SYNDIG1: variants seen among roughly 807,000 people sequenced by gnomAD.
SYNDIG1 encodes synapse differentiation inducing 1.
SYNDIG1 carries 9 observed loss-of-function variants against 19.4 expected under a neutral mutation model. The ratio of observed to expected loss-of-function variants is 0.46; its 90% CI spans 0.28 to 0.81. The LOEUF (loss-of-function observed/expected upper bound fraction) is 0.81, where lower values mean the gene tolerates loss of function less well. Among genes scored for constraint, SYNDIG1 ranks in the 30% least tolerant of loss-of-function variants. The probability of loss-of-function intolerance (pLI) is 0.12; values close to 1 mark genes in which losing one functional copy is unlikely to be tolerated. For synonymous variants in SYNDIG1, 141 were observed against 145.9 expected (o/e 0.97, Z 0.24); for missense variants, 311 against 343.3 (o/e 0.91, Z 0.74).
chr20:24,510,801 A>G (rs185428545), intron 1 of SYNDIG1, among the ~76,000 whole-genome samples: 33 of 152,194 alleles, frequency 2.2e-4, no homozygotes, highest in East Asian at 7.7e-4. Context: ...TTCCCAATCT[A>G]TTCATCTGGA....
At chr20:24,501,976 G>A (rs928825269) in intron 1 of SYNDIG1, among the ~76,000 whole-genome samples, 10 of 152,240 alleles carry the variant, frequency 6.6e-5, no homozygotes, top group Admixed American at 3.3e-4. Context: ...GCTAAGGGCC[G>A]AGAACGAATG....
chr20:24,551,024 A>T (rs2146794266), intron 2 of SYNDIG1, among the ~76,000 whole-genome samples: 1 of 152,330 alleles, frequency 6.6e-6, no homozygotes, highest in South Asian at 2.1e-4. Context: ...TTGGCTGCAT[A>T]GAATAAGTTG....
chr20:24,535,554 A>G lies in SYNDIG1; in HGVS notation c.-78-7466A>G, dbSNP rs546768040. 7.2e-5 allele frequency among the ~76,000 whole-genome samples: 11 copies of G among 152,346 alleles called. No individual in the cohort carries two copies. In the South Asian group the frequency reaches 1.9e-3, roughly 26 times the overall value. ...GTTTATCTGGGCATAAAGCTTTGCAATGGGAACACACATGCCATAGTAAAC... is the reference window on the plus strand; with the variant it reads ...GTTTATCTGGGCATAAAGCTTTGCAGTGGGAACACACATGCCATAGTAAAC... On this transcript the variant is annotated intron_variant, in intron 1 of 3. Transcript: ENST00000376862.
chr20:24,599,152 C>A (rs115364733), intron 3 of SYNDIG1, among the ~76,000 whole-genome samples: 4,694 of 152,192 alleles, frequency 0.031, 158 homozygotes, highest in African/African-American at 0.084. Flanking sequence ...AAAACCTACA[C>A]ATAATCCCAT....
chr20:24,532,548 C>T (rs1479899692), intron 1 of SYNDIG1, among the ~76,000 whole-genome samples: 3 of 152,082 alleles, frequency 2.0e-5, no homozygotes, highest in Admixed American at 6.5e-5. Flanking sequence ...GGTGAATATA[C>T]TAAATCTCAC....
chr20:24,615,352 G>A (rs1211851571), intron 3 of SYNDIG1, among the ~76,000 whole-genome samples: 1 of 152,178 alleles, frequency 6.6e-6, no homozygotes, highest in East Asian at 1.9e-4. Context: ...AGGGGGTGAT[G>A]AGCGAGACCT....
At chr20:24,647,451 C>A (rs1398331696) in intron 3 of SYNDIG1, among the ~76,000 whole-genome samples, 1 of 152,040 alleles carries the variant, frequency 6.6e-6, no homozygotes, top group East Asian at 1.9e-4. Context: ...TGGTATTATA[C>A]GAACATCCTC....
chr20:24,665,922 CTG>C lies in SYNDIG1; in HGVS notation c.*421_*422del, dbSNP rs2059643442. On this transcript the variant is annotated 3_prime_UTR_variant, in exon 4 of 4. Transcript: ENST00000376862. ...GACAAGGGACACATCACTCTTCTGT[CTG>C]TGGCCCTGCTGGAGTCCTTTGTGCC... The C allele has an allele frequency of 5.5e-6, 1 of 180,606 alleles. No homozygotes were observed. The highest frequency in any genetic ancestry group is 2.4e-5 in the African/African-American group (1 of 41,726). The allele number at this position is 180,606 out of a possible 1,614,324, so 11.2% of individuals were successfully genotyped here.
At chr20:24,492,858 G>T (rs112094898) in intron 1 of SYNDIG1, among the ~76,000 whole-genome samples, 2,192 of 152,310 alleles carry the variant, frequency 0.014, 63 homozygotes, top group African/African-American at 0.05. Flanking sequence ...CTAAGCAAAA[G>T]AACTGACACA....
intron 3 of SYNDIG1, among the ~76,000 whole-genome samples, chr20:24,641,084 A>T (rs1372039961): frequency 6.6e-6 from 1 of 152,250 alleles, no homozygotes; most frequent in Non-Finnish European, 1.5e-5. Context: ...TATTGATGAC[A>T]GTAGTTTCTA....
chr20:24,611,410 G>C (rs1373189870), intron 3 of SYNDIG1, among the ~76,000 whole-genome samples: 1 of 152,180 alleles, frequency 6.6e-6, no homozygotes, highest in Non-Finnish European at 1.5e-5. Flanking sequence ...GACTTCAGCG[G>C]TTCCTGATTC....
intron 1 of SYNDIG1, among the ~76,000 whole-genome samples, chr20:24,473,391 C>G (rs574599609): frequency 2.0e-5 from 3 of 152,168 alleles, no homozygotes; most frequent in African/African-American, 7.2e-5. Flanking sequence ...TCTCTAACCA[C>G]GTCACCAGAA....
intron 1 of SYNDIG1, among the ~76,000 whole-genome samples, chr20:24,483,467 T>C (rs925682229): frequency 3.9e-5 from 6 of 152,232 alleles, no homozygotes; most frequent in African/African-American, 1.4e-4. Flanking sequence ...CTTAATCATA[T>C]TTTATGTTCC....
At chr20:24,659,632 C>T (rs1415673244) in intron 3 of SYNDIG1, among the ~76,000 whole-genome samples, 2 of 152,176 alleles carry the variant, frequency 1.3e-5, no homozygotes, top group African/African-American at 4.8e-5. Context: ...GGTGATGAAA[C>T]GGCCACTGCA....
intron 3 of SYNDIG1, among the ~76,000 whole-genome samples, chr20:24,600,327 T>C (rs550452613): frequency 3.5e-4 from 54 of 152,192 alleles, no homozygotes; most frequent in Non-Finnish European, 6.5e-4. Context: ...CCTTTCCTAG[T>C]TTGAAAATAA....
chr20:24,597,964 T>C (rs774345983), intron 3 of SYNDIG1, among the ~76,000 whole-genome samples: 7 of 152,168 alleles, frequency 4.6e-5, no homozygotes, highest in Non-Finnish European at 1.0e-4. Context: ...AATGACAATT[T>C]GGGTTATATA....
chr20:24,604,224 T>C (rs1385312209), intron 3 of SYNDIG1, among the ~76,000 whole-genome samples: 1 of 152,048 alleles, frequency 6.6e-6, no homozygotes, highest in African/African-American at 2.4e-5. Flanking sequence ...CATCCATAAG[T>C]GTGGGTGTCA....
chr20:24,542,755 A>T (rs1006314427), intron 1 of SYNDIG1, among the ~76,000 whole-genome samples: 8 of 152,332 alleles, frequency 5.3e-5, no homozygotes, highest in African/African-American at 1.9e-4. Context: ...CTAGGCTGCA[A>T]GGGAGCCAAT....
intron 1 of SYNDIG1, among the ~76,000 whole-genome samples, chr20:24,510,977 C>T (rs569567389): frequency 2.6e-5 from 4 of 152,296 alleles, no homozygotes; most frequent in Middle Eastern, 3.4e-3. Flanking sequence ...ACTCATCCAT[C>T]GTGTCTTAAA....
Sources: gnomAD v4.1 joint callset for allele counts (sites outside exome capture counted in the v4.1 genomes callset) on GRCh38, gnomAD v4.1.1 for gene constraint, MANE v1.5 for transcripts, NCBI Gene and HGNC (gene_info 2026-07-23, HGNC 2026-07-21) for gene names.